PLB1: variants seen among roughly 807,000 people sequenced by gnomAD.
PLB1 encodes phospholipase B1, membrane-associated.
In PLB1, 242 loss-of-function variants were observed where a neutral mutation model predicts 227.4. The observed-to-expected ratio is 1.06, with a 90% CI of 0.96 to 1.18. PLB1 has a LOEUF of 1.18. PLB1 is among the 50% of genes most tolerant of loss of function. PLB1 has a pLI of 0.00. For synonymous variants in PLB1, 757 were observed against 682.2 expected (o/e 1.11, Z -1.71); for missense variants, 1,858 against 1,816.3 (o/e 1.02, Z -0.42).
In PLB1 at chr2:28,582,138, G is replaced by T; in HGVS notation, c.1632+5G>T. ...CTGGACATCCTCCATGCTGAGGTAC[G>T]GAGGCTAGGCCATGAGGCCTGCATC... On this transcript the variant is annotated splice_donor_5th_base_variant and intron_variant, in intron 24 of 57. Transcript: ENST00000327757. The T allele has an allele frequency of 6.2e-7, 1 of 1,613,172 alleles. No individual in the cohort carries two copies. Among genetic ancestry groups the T allele is most frequent in the Non-Finnish European group, 8.5e-7 (1 of 1,179,114 alleles).
At chr2:28,546,194 G>A (rs1453518611) in intron 14 of PLB1, among the ~76,000 whole-genome samples, 3 of 152,172 alleles carry the variant, frequency 2.0e-5, no homozygotes, top group South Asian at 4.1e-4. Flanking sequence ...TCTGGGACAC[G>A]GTTCATTCCC....
At chr2:28,592,938 C>T (rs1249259864) in intron 32 of PLB1, among the ~76,000 whole-genome samples, 1 of 152,150 alleles carries the variant, frequency 6.6e-6, no homozygotes, top group Non-Finnish European at 1.5e-5. Flanking sequence ...ATTGTTTCTG[C>T]GGGCAGAGAT....
chr2:28,639,427 G>C (rs1287388566), intron 56 of PLB1, among the ~76,000 whole-genome samples: 1 of 152,240 alleles, frequency 6.6e-6, no homozygotes, highest in African/African-American at 2.4e-5. Context: ...CTGCAGACTG[G>C]CTGGAGCGAG....
intron 14 of PLB1, among the ~76,000 whole-genome samples, chr2:28,545,463 C>T (rs1018997395): frequency 1.3e-5 from 2 of 152,154 alleles, no homozygotes; most frequent in Admixed American, 6.5e-5. Context: ...TGAGAAGCGA[C>T]GGGTATAACA....
At chr2:28,524,585 T>C (rs186500337) in intron 4 of PLB1, among the ~76,000 whole-genome samples, 22 of 152,340 alleles carry the variant, frequency 1.4e-4, no homozygotes, top group Non-Finnish European at 2.2e-4. Context: ...AATGGACACA[T>C]TCCTGCCTTC....
intron 9 of PLB1, among the ~76,000 whole-genome samples, chr2:28,537,923 G>T (rs1671921034): frequency 6.6e-6 from 1 of 152,128 alleles, no homozygotes; most frequent in Non-Finnish European, 1.5e-5. Context: ...AGGGTTAATT[G>T]TATTTCCCTG....
intron 9 of PLB1, among the ~76,000 whole-genome samples, chr2:28,537,851 G>T (rs1467140050): frequency 6.6e-6 from 1 of 152,060 alleles, no homozygotes; most frequent in Non-Finnish European, 1.5e-5. Flanking sequence ...AACACAGCAA[G>T]AGAAAAGCTA....
chr2:28,523,417 AT>A (rs1669806842), intron 4 of PLB1, among the ~76,000 whole-genome samples: 1 of 150,526 alleles, frequency 6.6e-6, no homozygotes, highest in Middle Eastern at 3.2e-3. Flanking sequence ...ACTCTATCAA[AT>A]TCCTTGAGGG....
chr2:28,557,935 G>A (rs762135670), intron 17 of PLB1, among the ~76,000 whole-genome samples: 1 of 152,188 alleles, frequency 6.6e-6, no homozygotes, highest in Non-Finnish European at 1.5e-5. Flanking sequence ...GATCACAGAT[G>A]AAGTCAACTC....
intron 47 of PLB1, 129 bp downstream of exon 47, chr2:28,620,461 A>G (rs962166380): frequency 1.5e-6 from 2 of 1,346,276 alleles, no homozygotes; most frequent in South Asian, 1.4e-5. Flanking sequence ...AGGAGACTCA[A>G]TGCTTGCATT....
At chr2:28,640,501 G>C (rs908146655) in intron 56 of PLB1, among the ~76,000 whole-genome samples, 2 of 152,190 alleles carry the variant, frequency 1.3e-5, no homozygotes, top group Non-Finnish European at 2.9e-5. Flanking sequence ...AGGTTGACTA[G>C]CCCCATGCAC....
chr2:28,627,329 T>C (rs552503625), intron 51 of PLB1, among the ~76,000 whole-genome samples: 3 of 152,108 alleles, frequency 2.0e-5, no homozygotes, highest in East Asian at 1.9e-4. Context: ...ATTGCTGTGT[T>C]CTGGACTCCG....
At chr2:28,621,110 G>A (rs1686997481) in intron 49 of PLB1, 132 bp downstream of exon 49, 14 of 694,860 alleles carry the variant, frequency 2.0e-5, no homozygotes, top group Non-Finnish European at 2.9e-5. Flanking sequence ...GACTTTCTAT[G>A]TGAATTATCT....
chr2:28,615,721 A>T (rs1430434771), intron 44 of PLB1, among the ~76,000 whole-genome samples: 1 of 152,214 alleles, frequency 6.6e-6, no homozygotes, highest in African/African-American at 2.4e-5. Context: ...TTGGATGCCT[A>T]TGTAGAGTGG....
chr2:28,591,308 A>G, intron 30 of PLB1, 137 bp downstream of exon 30: 2 of 1,055,816 alleles, frequency 1.9e-6, no homozygotes, highest in Non-Finnish European at 2.9e-6. Flanking sequence ...CCTGACCTTC[A>G]GATGGGGTAG....
intron 56 of PLB1, among the ~76,000 whole-genome samples, chr2:28,638,351 T>G (rs1689606143): frequency 6.6e-6 from 1 of 152,002 alleles, no homozygotes; most frequent in South Asian, 2.1e-4. Flanking sequence ...GAGCTTGAAG[T>G]GTCTGAGGAA....
chr2:28,566,851 G>A lies in PLB1; in HGVS notation c.1324+12G>A. ...TACCACCCTGGCGAGTGAGTACGCG[G>A]CGGCGGCCGGGATGTTTGGTTTGGG... On this transcript the variant is annotated intron_variant, in intron 20 of 57. Transcript: ENST00000327757. The A allele has an allele frequency of 6.2e-7, 1 of 1,614,002 alleles. No individual in the cohort carries two copies. Among genetic ancestry groups the A allele is most frequent in the Non-Finnish European group, 8.5e-7 (1 of 1,179,938 alleles).
At chr2:28,539,517 T>C (rs1672170927) in intron 11 of PLB1, among the ~76,000 whole-genome samples, 1 of 152,158 alleles carries the variant, frequency 6.6e-6, no homozygotes, top group South Asian at 2.1e-4. Context: ...CTTCTGGAAA[T>C]TGGATAGAAA....
chr2:28,497,257 A>G (rs981850138), intron 1 of PLB1, among the ~76,000 whole-genome samples: 9 of 152,130 alleles, frequency 5.9e-5, no homozygotes, highest in Admixed American at 5.2e-4. Flanking sequence ...TTGTCCTCCT[A>G]TGGGGACTTT....
Sources: allele counts gnomAD v4.1 joint callset (sites outside exome capture counted in the v4.1 genomes callset), GRCh38; gene constraint gnomAD v4.1.1; transcripts MANE v1.5; gene names NCBI Gene and HGNC (gene_info 2026-07-23, HGNC 2026-07-21).